TYW1B: variants seen among roughly 807,000 people sequenced by gnomAD.
The protein encoded by TYW1B is S-adenosyl-L-methionine-dependent tRNA 4-demethylwyosine synthase TYW1B.
In TYW1B, 73 loss-of-function variants were observed where a neutral mutation model predicts 86.9. The ratio of observed to expected loss-of-function variants is 0.84; its 90% CI spans 0.70 to 1.02. The LOEUF (loss-of-function observed/expected upper bound fraction) is 1.02. TYW1B is among the 50% of genes least tolerant of loss of function. The pLI, the probability that TYW1B is intolerant of heterozygous loss-of-function variation, is 0.00. For synonymous variants in TYW1B, 248 were observed against 292.8 expected, an observed-to-expected ratio of 0.85 and a Z score of 1.56; for missense variants, 637 against 827.4, an observed-to-expected ratio of 0.77 and a Z score of 2.82.
intron 7 of TYW1B, among the ~76,000 whole-genome samples, chr7:72,770,427 CAAA>C (rs587645992): frequency 1.1e-5 from 1 of 94,448 alleles, no homozygotes; most frequent in East Asian, 3.4e-4. Context: ...GACTCCGTCT[CAAA>C]AAAAAAAAAA....
chr7:72,672,473 A>ACACACACACACACAC (rs1813630351), intron 11 of TYW1B, among the ~76,000 whole-genome samples: 7 of 140,778 alleles, frequency 5.0e-5, no homozygotes, highest in Admixed American at 1.4e-4. Context: ...TACACACACA[A>ACACACACACACACAC]ACACACACAC....
intron 11 of TYW1B, among the ~76,000 whole-genome samples, chr7:72,663,819 G>A (rs1420338306): frequency 4.1e-5 from 6 of 145,950 alleles, no homozygotes; most frequent in African/African-American, 1.3e-4. Flanking sequence ...AGTGACCTTA[G>A]TTCCAACTTG....
At chr7:72,719,199 A>G (rs1335700063) in intron 9 of TYW1B, among the ~76,000 whole-genome samples, 2 of 151,438 alleles carry the variant, frequency 1.3e-5, no homozygotes, top group African/African-American at 4.9e-5. Flanking sequence ...CCCAGGCTGG[A>G]GTGCAGTGAT....
At chr7:72,695,050 A>C (rs530942708) in intron 10 of TYW1B, among the ~76,000 whole-genome samples, 11 of 152,128 alleles carry the variant, frequency 7.2e-5, no homozygotes, top group Non-Finnish European at 1.5e-4. Context: ...GAAAATATTG[A>C]ATTACTTAAA....
intron 11 of TYW1B, among the ~76,000 whole-genome samples, chr7:72,667,768 G>C (rs1425339748): frequency 1.3e-5 from 2 of 152,138 alleles, no homozygotes; most frequent in Admixed American, 6.5e-5. Flanking sequence ...AACACAAAGA[G>C]GTGACCTGTA....
intron 7 of TYW1B, among the ~76,000 whole-genome samples, chr7:72,762,565 T>C (rs1787702207): frequency 1.3e-5 from 2 of 152,218 alleles, no homozygotes. Context: ...TCTTGGCTTT[T>C]CTTGATATGT....
At chr7:72,581,045 C>T (rs1237483019) in intron 13 of TYW1B, among the ~76,000 whole-genome samples, 1 of 99,624 alleles carries the variant, frequency 1.0e-5, no homozygotes, top group Non-Finnish European at 2.0e-5. Context: ...AGGTACCAAA[C>T]CCACTCCCCA....
intron 10 of TYW1B, among the ~76,000 whole-genome samples, chr7:72,708,894 C>T (rs1814675812): frequency 1.3e-5 from 2 of 152,062 alleles, no homozygotes; most frequent in Admixed American, 1.3e-4. Context: ...TTTTATGACA[C>T]GTCATAATAT....
intron 6 of TYW1B, among the ~76,000 whole-genome samples, chr7:72,785,221 G>A (rs1788107237): frequency 6.6e-6 from 1 of 151,166 alleles, no homozygotes; most frequent in African/African-American, 2.4e-5. Flanking sequence ...GTGGTGTTTT[G>A]GTAGGACCAA....
chr7:72,828,023 G>A, intron 1 of TYW1B, 49 bp downstream of exon 1: 3 of 1,611,526 alleles, frequency 1.9e-6, no homozygotes, highest in Middle Eastern at 1.7e-4. Flanking sequence ...TCAGTAAAAC[G>A]TTTACCTCCC....
chr7:72,761,598 A>AC (rs1486574758), intron 7 of TYW1B, among the ~76,000 whole-genome samples: 1 of 151,612 alleles, frequency 6.6e-6, no homozygotes, highest in Admixed American at 6.6e-5. Context: ...CTCAAAAAAA[A>AC]AAAAATTAAA....
chr7:72,639,592 A>G (rs1490939135), intron 11 of TYW1B, among the ~76,000 whole-genome samples: 2 of 152,138 alleles, frequency 1.3e-5, no homozygotes, highest in Non-Finnish European at 2.9e-5. Context: ...AGCTGGGCAC[A>G]GTGGCTCATG....
chr7:72,675,434 A>G (rs1358604233), intron 11 of TYW1B, among the ~76,000 whole-genome samples: 1 of 151,628 alleles, frequency 6.6e-6, no homozygotes, highest in Non-Finnish European at 1.5e-5. Flanking sequence ...AAAACTTGCA[A>G]TTTTTTCCAA....
At position 72,597,360 on chromosome 7, in the gene TYW1B, T is replaced by TAG. The variant is rs71517343; in HGVS notation, c.1785+19310_1785+19311dup. On this transcript the variant is annotated intron_variant, in intron 13 of 13. Transcript: ENST00000620995. ...ATGGCCCCAAATGTCCATGTTAGCTTAGAAAAAAAGAGGTAGAGTAAAATA... is the reference window on the plus strand; with the variant it reads ...ATGGCCCCAAATGTCCATGTTAGCTTAGAGAAAAAAAGAGGTAGAGTAAAATA... Among the ~76,000 whole-genome samples the TAG allele has an allele frequency of 6.2e-4, 94 of 151,938 alleles. No homozygotes were observed. In the East Asian group the frequency reaches 6.2e-3, roughly 10 times the overall value.
intron 3 of TYW1B, among the ~76,000 whole-genome samples, chr7:72,811,067 C>T (rs1166928755): frequency 5.3e-5 from 8 of 151,622 alleles, no homozygotes; most frequent in Admixed American, 2.0e-4. Flanking sequence ...GTCAGGAGAT[C>T]GAGACCATCC....
At chr7:72,716,698 G>T (rs1464294268) in intron 9 of TYW1B, among the ~76,000 whole-genome samples, 2 of 151,890 alleles carry the variant, frequency 1.3e-5, no homozygotes, top group African/African-American at 4.8e-5. Flanking sequence ...GAGTGCAATG[G>T]CATGATCTCA....
chr7:72,675,971 G>A (rs1303377153), intron 11 of TYW1B, among the ~76,000 whole-genome samples: 3 of 152,088 alleles, frequency 2.0e-5, no homozygotes, highest in Non-Finnish European at 4.4e-5. Flanking sequence ...ATACTATGCT[G>A]TTCTGGTTCA....
At chr7:72,772,335 G>A (rs1215685919) in intron 7 of TYW1B, among the ~76,000 whole-genome samples, 2 of 152,086 alleles carry the variant, frequency 1.3e-5, no homozygotes, top group African/African-American at 4.8e-5. Context: ...TCATGGACCA[G>A]TGAAACATTT....
intron 11 of TYW1B, among the ~76,000 whole-genome samples, chr7:72,664,022 C>T (rs1813401052): frequency 6.6e-6 from 1 of 151,968 alleles, no homozygotes; most frequent in African/African-American, 2.4e-5. Context: ...TTCTTTTCTA[C>T]CTACGTGTCC....
Sources: allele counts gnomAD v4.1 joint callset (sites outside exome capture counted in the v4.1 genomes callset), GRCh38; gene constraint gnomAD v4.1.1; transcripts MANE v1.5; gene names NCBI Gene and HGNC (gene_info 2026-07-23, HGNC 2026-07-21).